The following STAU1 variants were observed in gnomAD, a reference collection of about 807,000 sequenced individuals.
The protein encoded by STAU1 is double-stranded RNA-binding protein Staufen homolog 1.
Under a neutral mutation model 62.9 loss-of-function variants are expected in STAU1, and 13 were observed. That is an observed-to-expected ratio of 0.21 (90% CI 0.13 to 0.33). The LOEUF (loss-of-function observed/expected upper bound fraction) is 0.33. Ranked by LOEUF, STAU1 falls within the 10% of genes least tolerant of loss-of-function variation. The probability of loss-of-function intolerance (pLI) is 1.00; values close to 1 mark genes in which losing one functional copy is unlikely to be tolerated. For missense variants in STAU1, 571 were observed against 712.1 expected (o/e 0.80, Z 2.25); for synonymous variants, 269 against 265.1 (o/e 1.01, Z -0.14).
the STAU1 span, among the ~76,000 whole-genome samples, chr20:49,216,048 G>GAA: frequency 4.3e-5 from 5 of 114,958 alleles, no homozygotes; most frequent in African/African-American, 6.4e-5. Flanking sequence ...AGAAGAAGAA[G>GAA]AAAAAAAAAG....
intron 6 of STAU1, among the ~76,000 whole-genome samples, chr20:49,131,854 A>C (rs1407138629): frequency 6.6e-6 from 1 of 151,982 alleles, no homozygotes; most frequent in Non-Finnish European, 1.5e-5. Context: ...AAAAAAAAAA[A>C]AACAAAAGGA....
At chr20:49,161,545 G>A (rs922288803) in intron 3 of STAU1, among the ~76,000 whole-genome samples, 3 of 152,160 alleles carry the variant, frequency 2.0e-5, no homozygotes, top group Non-Finnish European at 1.5e-5. Flanking sequence ...TGCACAAGCA[G>A]TATGGACAAT....
intron 1 of STAU1, among the ~76,000 whole-genome samples, chr20:49,174,874 C>A (rs997072641): frequency 1.4e-5 from 2 of 145,054 alleles, no homozygotes; most frequent in South Asian, 2.2e-4. Context: ...ACGGAGCTTG[C>A]AGTGAGCAGA....
intron 3 of STAU1, among the ~76,000 whole-genome samples, chr20:49,161,639 C>G (rs2093449784): frequency 6.6e-6 from 1 of 152,150 alleles, no homozygotes; most frequent in Non-Finnish European, 1.5e-5. Flanking sequence ...AACTCATTCA[C>G]AAGACACAAC....
intron 6 of STAU1, among the ~76,000 whole-genome samples, chr20:49,126,588 C>CAAAAAAAAAAAAAAAAAAAAAACA: frequency 1.8e-5 from 1 of 56,348 alleles, no homozygotes; most frequent in African/African-American, 6.4e-5. Context: ...AAAAAAAAAA[C>CAAAAAAAAAAAAAAAAAAAAAACA]AAAAAAAAAA....
At chr20:49,195,911 A>AG in the STAU1 span, among the ~76,000 whole-genome samples, 7 of 90,552 alleles carry the variant, frequency 7.7e-5, no homozygotes, top group Admixed American at 1.6e-4. Context: ...AAAAAAAAAA[A>AG]AAAAAAGAAA....
At chr20:49,195,535 CAAA>C in the STAU1 span, among the ~76,000 whole-genome samples, 190 of 38,116 alleles carry the variant, frequency 5.0e-3, no homozygotes, top group African/African-American at 0.03. Flanking sequence ...GACTCCGTCT[CAAA>C]AAAAAAAAAA....
At chr20:49,132,934 A>ATTCAGTAACT (rs2092783344) in intron 6 of STAU1, among the ~76,000 whole-genome samples, 1 of 152,220 alleles carries the variant, frequency 6.6e-6, no homozygotes, top group Non-Finnish European at 1.5e-5. Context: ...CTAAACATCT[A>ATTCAGTAACT]ATACATGCCA....
chr20:49,174,655 C>T (rs2093636717), intron 1 of STAU1, among the ~76,000 whole-genome samples: 1 of 151,260 alleles, frequency 6.6e-6, no homozygotes, highest in Non-Finnish European at 1.5e-5. Flanking sequence ...GAGATTGAGA[C>T]TGCCAGGCAT....
intron 2 of STAU1, among the ~76,000 whole-genome samples, chr20:49,168,620 C>G (rs981447848): frequency 1.3e-5 from 2 of 151,938 alleles, no homozygotes; most frequent in African/African-American, 2.4e-5. Context: ...AAACAATACT[C>G]ACAAATTATT....
At chr20:49,177,678 C>G (rs1180001045) in intron 1 of STAU1, among the ~76,000 whole-genome samples, 4 of 148,958 alleles carry the variant, frequency 2.7e-5, no homozygotes, top group Non-Finnish European at 5.9e-5. Flanking sequence ...GACTCCGTCT[C>G]AAAAACAAAA....
chr20:49,180,328 T>TC (rs1478783444), intron 1 of STAU1, among the ~76,000 whole-genome samples: 1 of 73,028 alleles, frequency 1.4e-5, no homozygotes, highest in Non-Finnish European at 3.0e-5. Context: ...TCTTTTTTTT[T>TC]TTTTCCCCCC....
At chr20:49,194,244 A>G in the STAU1 span, among the ~76,000 whole-genome samples, 4 of 151,908 alleles carry the variant, frequency 2.6e-5, no homozygotes, top group African/African-American at 9.7e-5. Context: ...AGCCTGAGAA[A>G]CATGGAGAAA....
Position 49,127,787 on chromosome 20 carries a change from T to C in STAU1, c.610-3200A>G, listed in dbSNP as rs1029427118. On this transcript the variant is annotated intron_variant, in intron 6 of 13. Transcript: ENST00000371856. ...AGCACTTTGAGAAGGCCAAGGCGGG[T>C]GGATGGCTTCAGTCCAGGAGTTTGA... Among the ~76,000 whole-genome samples, 26 of 151,928 alleles carry C rather than the reference T, an allele frequency of 1.7e-4. 1 individual carries two copies. The highest frequency in any genetic ancestry group is 5.8e-4 in the African/African-American group (24 of 41,332).
chr20:49,129,243 TACTAC>T (rs1279778538), intron 6 of STAU1, among the ~76,000 whole-genome samples: 5 of 148,754 alleles, frequency 3.4e-5, no homozygotes, highest in Non-Finnish European at 6.0e-5. Context: ...CACAACAAGA[TACTAC>T]TGACTACCTG....
chr20:49,148,469 C>T (rs2093173372), intron 5 of STAU1, among the ~76,000 whole-genome samples: 1 of 152,236 alleles, frequency 6.6e-6, no homozygotes, highest in South Asian at 2.1e-4. Context: ...ATCCAAAACA[C>T]TTCTAGTCGC....
rs543301151 is a variant in STAU1, at chr20:49,125,051, G to T, written c.610-464C>A. 5.7e-5 allele frequency among the ~76,000 whole-genome samples: 7 copies of T among 123,264 alleles called. No homozygotes were observed. In the East Asian group the frequency reaches 1.7e-3, roughly 29 times the overall value. The allele number at this position is 123,264 out of a possible 152,430, so 80.9% of individuals were successfully genotyped here. A position where few individuals can be genotyped will look rare whatever the true frequency, so the allele number is the denominator to read the frequency against. On this transcript the variant is annotated intron_variant, in intron 6 of 13. Transcript: ENST00000371856. Reference sequence around the variant, plus strand: ...AATCTCTTAAGCACTGATAAAGAGGGATTCCCCGCACACATTAAGTAAAAA... The same window carrying T: ...AATCTCTTAAGCACTGATAAAGAGGTATTCCCCGCACACATTAAGTAAAAA...
chr20:49,139,179 T>C (rs2092954573), intron 5 of STAU1, among the ~76,000 whole-genome samples: 1 of 152,178 alleles, frequency 6.6e-6, no homozygotes, highest in Admixed American at 6.5e-5. Context: ...CACCATCTGG[T>C]GATTTCTTAC....
Position 49,126,577 on chromosome 20 carries a change from A to AAC in STAU1, c.610-1991_610-1990insGT, listed in dbSNP as rs1282905361. Among the ~76,000 whole-genome samples, 47 of 35,070 alleles carry AAC rather than the reference A, an allele frequency of 1.3e-3. 4 individuals carry two copies. The highest frequency in any genetic ancestry group is 6.7e-3 in the African/African-American group (47 of 6,976). 23.0% of individuals were successfully genotyped at this position (35,070 alleles called of 152,430 possible). ...AGCAAAACCTCGTCTCAAAAAGCAA[A>AAC]AAAAAAAAAACAAAAAAAAAACAAA... On this transcript the variant is annotated intron_variant, in intron 6 of 13. Coordinates refer to ENST00000371856, the MANE Select transcript of STAU1 (RefSeq NM_017453.4).
Sources: gnomAD v4.1 joint callset for allele counts (sites outside exome capture counted in the v4.1 genomes callset) on GRCh38, gnomAD v4.1.1 for gene constraint, MANE v1.5 for transcripts, NCBI Gene and HGNC (gene_info 2026-07-23, HGNC 2026-07-21) for gene names.